The following GNAL variants were observed in gnomAD, a reference collection of about 807,000 sequenced individuals.
GNAL encodes the protein G protein subunit alpha L, also known as guanine nucleotide-binding protein G(olf) subunit alpha.
Under a neutral mutation model 55.1 loss-of-function variants are expected in GNAL, and 18 were observed. The observed-to-expected ratio is 0.33, with a 90% confidence interval of 0.23 to 0.48. The LOEUF (loss-of-function observed/expected upper bound fraction) is 0.48, where lower values mean the gene tolerates loss of function less well. Ranked by LOEUF, GNAL falls within the 20% of genes least tolerant of loss-of-function variation. The pLI is 0.99. For synonymous variants in GNAL, 253 were observed against 237.0 expected (o/e 1.07, Z -0.62); for missense variants, 412 against 614.1 (o/e 0.67, Z 3.48).
intron 4 of GNAL, among the ~76,000 whole-genome samples, chr18:11,776,707 CAAAAAAAAAA>C: frequency 1.4e-5 from 1 of 71,650 alleles, no homozygotes; most frequent in Middle Eastern, 6.8e-3. Flanking sequence ...GATCCTGCCT[CAAAAAAAAAA>C]AAAAAAAAAA....
chr18:11,743,216 T>C (rs2032616511), intron 1 of GNAL, among the ~76,000 whole-genome samples: 1 of 151,828 alleles, frequency 6.6e-6, no homozygotes, highest in African/African-American at 2.4e-5. Context: ...TGAGATGAGG[T>C]GTTGGCGCTA....
intron 4 of GNAL, among the ~76,000 whole-genome samples, chr18:11,779,677 C>G (rs2033878041): frequency 6.6e-6 from 1 of 152,144 alleles, no homozygotes; most frequent in Non-Finnish European, 1.5e-5. Context: ...GGCTCATGCA[C>G]TCATTCAAGT....
chr18:11,801,498 C>A (rs552904576), intron 4 of GNAL, among the ~76,000 whole-genome samples: 1 of 152,058 alleles, frequency 6.6e-6, no homozygotes, highest in African/African-American at 2.4e-5. Context: ...CCTTACAGGT[C>A]ATTGTAGGAA....
rs189766909 is a variant in GNAL at position 11,732,554 on chromosome 18, A to T, written c.377-20299A>T. 5.6e-3 allele frequency among the ~76,000 whole-genome samples: 855 copies of T among 152,344 alleles called. 10 individuals are homozygous for T. The highest frequency in any genetic ancestry group is 0.02 in the African/African-American group (812 of 41,566). On this transcript the variant is annotated intron_variant, in intron 1 of 11. Transcript: ENST00000334049. ...TTCTCATTTGTTCTCAAGCACACGT[A>T]ACTCTACATTTAGTCTGTCCTCACC...
chr18:11,790,163 T>C (rs1156259826), intron 4 of GNAL, among the ~76,000 whole-genome samples: 1 of 152,180 alleles, frequency 6.6e-6, no homozygotes, highest in Admixed American at 6.5e-5. Flanking sequence ...GAAGTTTACC[T>C]CCTCAAGCCA....
At chr18:11,715,603 C>G (rs2031945151) in intron 1 of GNAL, among the ~76,000 whole-genome samples, 1 of 151,894 alleles carries the variant, frequency 6.6e-6, no homozygotes, top group Admixed American at 6.6e-5. Flanking sequence ...AAGAGGGGAC[C>G]AGGTCATTCT....
chr18:11,796,041 A>T (rs72867025), intron 4 of GNAL, among the ~76,000 whole-genome samples: 5,449 of 152,286 alleles, frequency 0.036, 153 homozygotes, highest in Non-Finnish European at 0.055. Context: ...GACACCAAGT[A>T]TTCGCCCGGA....
chr18:11,709,646 A>C (rs1320753471), intron 1 of GNAL, among the ~76,000 whole-genome samples: 2 of 152,150 alleles, frequency 1.3e-5, no homozygotes, highest in African/African-American at 2.4e-5. Flanking sequence ...TTTATACATC[A>C]ATTTTGTATC....
Position 11,884,167 on chromosome 18 carries a change from T to A in GNAL, c.*3032T>A. The A allele has an allele frequency of 6.2e-6, 2 of 322,338 alleles. No homozygotes were observed. The highest frequency in any genetic ancestry group is 1.2e-5 in the Non-Finnish European group (2 of 171,814). 20.0% of individuals were successfully genotyped at this position (322,338 alleles called of 1,614,324 possible). A position where few individuals can be genotyped will look rare whatever the true frequency, so the allele number is the denominator to read the frequency against. On this transcript the variant is annotated 3_prime_UTR_variant, in exon 12 of 12. Transcript: ENST00000334049. ...CTGTCGTGCATGTGAGTGACGACAT[T>A]AATAGCATTTACATACTGTACAGAT...
rs150865030 is a variant in GNAL at position 11,868,273 on chromosome 18, C to T, written c.911-270C>T. On this transcript the variant is annotated intron_variant, in intron 8 of 11. Coordinates refer to ENST00000334049, the MANE Select transcript of GNAL (RefSeq NM_182978.4). This position sits in a 1 kb window ranked among gnomAD's most constrained non-coding sequence, Gnocchi z 4.0. ...CAAGATCATGCCATTGCACTCCAGCCTGGGAGACAAGAGTGAAACTCCATC... is the reference window on the plus strand; with the variant it reads ...CAAGATCATGCCATTGCACTCCAGCTTGGGAGACAAGAGTGAAACTCCATC... Among the ~76,000 whole-genome samples, 961 of 152,048 alleles carry T rather than the reference C, an allele frequency of 6.3e-3. 13 individuals are homozygous for T. The highest frequency in any genetic ancestry group is 0.022 in the African/African-American group (913 of 41,448).
At chr18:11,851,754 G>A (rs2035875076) in intron 5 of GNAL, 2 of 1,613,870 alleles carry the variant, frequency 1.2e-6, no homozygotes, top group Admixed American at 1.7e-5. Context: ...GGGTCCAGAC[G>A]GCGGTGACGA....
At chr18:11,846,436 T>TATATAA (rs1331558816) in intron 5 of GNAL, among the ~76,000 whole-genome samples, 1 of 137,900 alleles carries the variant, frequency 7.3e-6, no homozygotes, top group Non-Finnish European at 1.5e-5. Context: ...CATATATAAA[T>TATATAA]ATATAAATAT....
At position 11,726,845 on chromosome 18, in the gene GNAL, T is replaced by C. The variant is rs372796453; in HGVS notation, c.377-26008T>C. ...ATTGTTTGTTTTAAAATAATCAAAA[T>C]GAATCCTAGCCAAAACCCCAGTGTT... is the stretch of plus-strand genomic sequence containing the variant. On this transcript the variant is annotated intron_variant, in intron 1 of 11. Coordinates refer to ENST00000334049, the MANE Select transcript of GNAL (RefSeq NM_182978.4). Among the ~76,000 whole-genome samples, 42 of 152,204 alleles carry C rather than the reference T, an allele frequency of 2.8e-4. 1 individual carries two copies. In the East Asian group the frequency reaches 6.4e-3, roughly 23 times the overall value.
At chr18:11,790,661 C>CTTT (rs397941591) in intron 4 of GNAL, among the ~76,000 whole-genome samples, 14 of 71,446 alleles carry the variant, frequency 2.0e-4, no homozygotes, top group African/African-American at 4.9e-4. Context: ...CTTTTTTTTT[C>CTTT]TTTTTTTTTT....
chr18:11,749,191 G>A (rs1484887043), intron 1 of GNAL, among the ~76,000 whole-genome samples: 3 of 151,440 alleles, frequency 2.0e-5, no homozygotes, highest in Admixed American at 6.6e-5. Flanking sequence ...AGCGCATGCT[G>A]GGTTGATATT....
chr18:11,863,866 C>A (rs1455995183), intron 6 of GNAL, among the ~76,000 whole-genome samples: 1 of 152,200 alleles, frequency 6.6e-6, no homozygotes, highest in East Asian at 1.9e-4. Flanking sequence ...CTCACCCAAG[C>A]CATCGTGAGT....
chr18:11,725,280 A>G (rs1367617998), intron 1 of GNAL, among the ~76,000 whole-genome samples: 1 of 152,150 alleles, frequency 6.6e-6, no homozygotes, highest in Non-Finnish European at 1.5e-5. Context: ...TGTTGTCCTT[A>G]TAAGAAGAGG....
intron 4 of GNAL, among the ~76,000 whole-genome samples, chr18:11,754,636 A>G (rs1490632511): frequency 2.0e-5 from 3 of 152,210 alleles, no homozygotes; most frequent in Admixed American, 6.5e-5. Context: ...AATTGCTTCC[A>G]TGGGAATTAC....
chr18:11,837,691 T>C (rs1368615557), intron 5 of GNAL, among the ~76,000 whole-genome samples: 1 of 152,204 alleles, frequency 6.6e-6, no homozygotes, highest in African/African-American at 2.4e-5. Context: ...CCAGCCACTT[T>C]GGAAAACAAA....
Sources: allele counts gnomAD v4.1 joint callset (sites outside exome capture counted in the v4.1 genomes callset), GRCh38; gene constraint gnomAD v4.1.1; non-coding constraint Gnocchi (gnomAD v3.1); transcripts MANE v1.5; gene names NCBI Gene and HGNC (gene_info 2026-07-23, HGNC 2026-07-21).